The following OSBPL6 variants were observed in gnomAD, a reference collection of about 807,000 sequenced individuals.
OSBPL6 encodes the protein oxysterol binding protein like 6.
OSBPL6 carries 49 observed loss-of-function variants against 125.8 expected under a neutral mutation model. The ratio of observed to expected loss-of-function variants is 0.39; its 90% CI spans 0.31 to 0.49. OSBPL6 has a LOEUF of 0.49. Ranked by LOEUF, OSBPL6 falls within the 20% of genes least tolerant of loss-of-function variation. The pLI is 0.88. For synonymous variants in OSBPL6, 394 were observed against 391.8 expected (o/e 1.01, Z -0.07); for missense variants, 986 against 1,135.4 (o/e 0.87, Z 1.89).
intron 13 of OSBPL6, among the ~76,000 whole-genome samples, chr2:178,366,999 G>A (rs1385269297): frequency 6.6e-6 from 1 of 152,170 alleles, no homozygotes; most frequent in East Asian, 1.9e-4. Context: ...ATTCATGGCA[G>A]TATTATTTAT....
chr2:178,252,112 A>G (rs1469534530), intron 1 of OSBPL6, among the ~76,000 whole-genome samples: 1 of 94,332 alleles, frequency 1.1e-5, no homozygotes, highest in East Asian at 2.4e-4. Flanking sequence ...TCATTTTCTT[A>G]AATTGTTGCC....
chr2:178,215,034 C>G (rs1272994282), intron 1 of OSBPL6, among the ~76,000 whole-genome samples: 3 of 149,654 alleles, frequency 2.0e-5, no homozygotes, highest in African/African-American at 7.4e-5. Flanking sequence ...AAAGTTGACA[C>G]ATAAAATTGA....
chr2:178,200,478 C>G (rs1177488908), intron 1 of OSBPL6, among the ~76,000 whole-genome samples: 1 of 152,018 alleles, frequency 6.6e-6, no homozygotes, highest in Non-Finnish European at 1.5e-5. Context: ...TCCTGAACTC[C>G]TGACCTCAAG....
At chr2:178,342,807 G>C (rs1296447999) in intron 11 of OSBPL6, among the ~76,000 whole-genome samples, 1 of 152,098 alleles carries the variant, frequency 6.6e-6, no homozygotes, top group Non-Finnish European at 1.5e-5. Flanking sequence ...TAGATCCCTG[G>C]ATGTTGAAGG....
At chr2:178,255,748 G>T (rs754049451) in intron 1 of OSBPL6, among the ~76,000 whole-genome samples, 4 of 152,182 alleles carry the variant, frequency 2.6e-5, no homozygotes, top group Non-Finnish European at 5.9e-5. Context: ...CTAGGTTGGG[G>T]GAGGAGAATG....
chr2:178,299,032 G>T (rs752547264), intron 2 of OSBPL6, among the ~76,000 whole-genome samples: 1 of 150,184 alleles, frequency 6.7e-6, no homozygotes, highest in Non-Finnish European at 1.5e-5. Context: ...TCTTAGCACT[G>T]TGCTGACAAT....
chr2:178,300,653 G>A (rs903002890), intron 2 of OSBPL6, among the ~76,000 whole-genome samples: 6 of 152,170 alleles, frequency 3.9e-5, no homozygotes, highest in Admixed American at 3.3e-4. Context: ...TAGAGACAGG[G>A]TTTCGCCATG....
At chr2:178,233,569 G>C (rs2090926192) in intron 1 of OSBPL6, among the ~76,000 whole-genome samples, 1 of 152,182 alleles carries the variant, frequency 6.6e-6, no homozygotes, top group African/African-American at 2.4e-5. Context: ...TCAGACGTCA[G>C]TGTCTTTGAT....
At chr2:178,215,262 T>TA (rs1475572199) in intron 1 of OSBPL6, among the ~76,000 whole-genome samples, 1 of 152,226 alleles carries the variant, frequency 6.6e-6, no homozygotes, top group Non-Finnish European at 1.5e-5. Context: ...GTATGCCAAA[T>TA]AACCTCATTC....
At position 178,328,251 on chromosome 2, in the gene OSBPL6, C is replaced by T. The variant is rs370884243; in HGVS notation, c.196-5C>T. 4 of 1,612,892 alleles carry T rather than the reference C, an allele frequency of 2.5e-6. No homozygotes were observed. The highest frequency in any genetic ancestry group is 1.7e-5 in the Admixed American group (1 of 59,868). Reference sequence around the variant, plus strand: ...ATGTGATTTGTTTTTCTTCTTTTCTCTCAGGAAGCTGACAGCTGGGAAATT... The same window carrying T: ...ATGTGATTTGTTTTTCTTCTTTTCTTTCAGGAAGCTGACAGCTGGGAAATT... On this transcript the variant is annotated splice_region_variant and splice_polypyrimidine_tract_variant and intron_variant, in intron 4 of 24. Coordinates refer to ENST00000190611, the MANE Select transcript of OSBPL6 (RefSeq NM_032523.4).
At chr2:178,277,695 A>AT (rs1391302816) in intron 1 of OSBPL6, among the ~76,000 whole-genome samples, 1 of 152,144 alleles carries the variant, frequency 6.6e-6, no homozygotes, top group Non-Finnish European at 1.5e-5. Flanking sequence ...TTTCTCACTG[A>AT]TTATTTTGCT....
chr2:178,300,896 T>C (rs1235758924), intron 2 of OSBPL6, among the ~76,000 whole-genome samples: 3 of 152,050 alleles, frequency 2.0e-5, no homozygotes, highest in African/African-American at 7.2e-5. Context: ...ATTAAAACCA[T>C]ATGAAAGTCA....
At chr2:178,235,206 A>G (rs975051239) in intron 1 of OSBPL6, among the ~76,000 whole-genome samples, 4 of 152,148 alleles carry the variant, frequency 2.6e-5, no homozygotes, top group African/African-American at 9.7e-5. Context: ...GAGGCAAGAC[A>G]TTGGTCCTGA....
At chr2:178,378,477 C>T (rs1285380142) in intron 15 of OSBPL6, among the ~76,000 whole-genome samples, 1 of 152,180 alleles carries the variant, frequency 6.6e-6, no homozygotes, top group Non-Finnish European at 1.5e-5. Flanking sequence ...TGAATGAATC[C>T]TCTGCTCTTT....
intron 1 of OSBPL6, among the ~76,000 whole-genome samples, chr2:178,258,814 A>G (rs868684706): frequency 4.2e-4 from 64 of 151,840 alleles, no homozygotes; most frequent in African/African-American, 1.4e-3. Context: ...CTTCTTATGA[A>G]TCAAATCTCT....
chr2:178,218,393 TAA>T (rs757915872), intron 1 of OSBPL6, among the ~76,000 whole-genome samples: 6,123 of 115,102 alleles, frequency 0.053, 173 homozygotes, highest in Middle Eastern at 0.13. Flanking sequence ...TAAGCATTAT[TAA>T]AAAAAAAAAA....
At chr2:178,287,574 T>TGG (rs1684825672) in intron 2 of OSBPL6, among the ~76,000 whole-genome samples, 1 of 152,184 alleles carries the variant, frequency 6.6e-6, no homozygotes, top group South Asian at 2.1e-4. Context: ...TCCACACTTT[T>TGG]GCTGAGTTGT....
intron 12 of OSBPL6, among the ~76,000 whole-genome samples, chr2:178,351,012 A>G (rs1468789097): frequency 6.6e-6 from 1 of 152,202 alleles, no homozygotes; most frequent in Non-Finnish European, 1.5e-5. Flanking sequence ...ATTTGCAGCA[A>G]AAGCATTTGT....
At chr2:178,350,290 C>T (rs1296613263) in intron 12 of OSBPL6, among the ~76,000 whole-genome samples, 1 of 152,210 alleles carries the variant, frequency 6.6e-6, no homozygotes, top group Non-Finnish European at 1.5e-5. Flanking sequence ...GCTCCCTATA[C>T]TGCCAGAGTA....
Sources: allele counts gnomAD v4.1 joint callset (sites outside exome capture counted in the v4.1 genomes callset), GRCh38; gene constraint gnomAD v4.1.1; transcripts MANE v1.5; gene names NCBI Gene and HGNC (gene_info 2026-07-23, HGNC 2026-07-21).